Variants in SNX29 observed in about 807,000 individuals in gnomAD.
SNX29 encodes the protein sorting nexin 29.
A neutral mutation model predicts 102.1 loss-of-function variants in SNX29; 78 were observed. That is an observed-to-expected ratio of 0.76 (90% CI 0.64 to 0.92). SNX29 has a LOEUF of 0.92. Ranked by LOEUF, SNX29 falls within the 40% of genes least tolerant of loss-of-function variation. SNX29 has a pLI of 0.00. For missense variants in SNX29, 1,280 were observed against 1,061.7 expected (o/e 1.21, Z -2.86); for synonymous variants, 580 against 414.5 (o/e 1.40, Z -4.85).
At chr16:12,061,391 C>T in intron 8 of SNX29, 137 bp from the exon 9 acceptor site, 1 of 670,704 alleles carries the variant, frequency 1.5e-6, no homozygotes, top group Non-Finnish European at 2.6e-6. Context: ...GCTCTACCTC[C>T]CAGCCCACAC....
At chr16:12,081,261 G>A (rs1176817470) in intron 11 of SNX29, 2 of 152,204 alleles carry the variant, frequency 1.3e-5, no homozygotes, top group African/African-American at 4.8e-5. Context: ...TCTTCATACT[G>A]CTGGGAAGCT....
chr16:12,013,541 A>ATATATATATATATATATATATATATATG, intron 3 of SNX29, among the ~76,000 whole-genome samples: 1 of 119,224 alleles, frequency 8.4e-6, no homozygotes, highest in African/African-American at 3.1e-5. Flanking sequence ...ATATATATAT[A>ATATATATATATATATATATATATATATG]TCGAGAGAGG....
At chr16:12,559,411 C>A (rs139011612) in intron 20 of SNX29, among the ~76,000 whole-genome samples, 1 of 151,348 alleles carries the variant, frequency 6.6e-6, no homozygotes, top group East Asian at 1.9e-4. Flanking sequence ...AAGGGACCAT[C>A]TAGTTGCAGG....
At chr16:12,480,711 CAAAA>C (rs2151829281) in intron 19 of SNX29, among the ~76,000 whole-genome samples, 1 of 152,252 alleles carries the variant, frequency 6.6e-6, no homozygotes, top group Admixed American at 6.5e-5. Context: ...AAACTTAAGA[CAAAA>C]TAAATCTCAT....
At chr16:12,320,812 G>A (rs941205944) in intron 15 of SNX29, among the ~76,000 whole-genome samples, 1 of 152,206 alleles carries the variant, frequency 6.6e-6, no homozygotes, top group African/African-American at 2.4e-5. Context: ...TCAGAATCGT[G>A]TTCCAATTCT....
chr16:12,412,509 G>A (rs2084443796), intron 18 of SNX29, among the ~76,000 whole-genome samples: 1 of 152,192 alleles, frequency 6.6e-6, no homozygotes, highest in Non-Finnish European at 1.5e-5. Context: ...TTTCACACGG[G>A]AGAGAGCGCT....
At chr16:12,467,624 G>A (rs1430554134) in intron 18 of SNX29, among the ~76,000 whole-genome samples, 2 of 133,756 alleles carry the variant, frequency 1.5e-5, no homozygotes, top group South Asian at 2.3e-4. Context: ...TCGTTCGTTA[G>A]TTCGTTCGTT....
At chr16:12,369,756 T>C (rs890132680) in intron 16 of SNX29, among the ~76,000 whole-genome samples, 3 of 152,236 alleles carry the variant, frequency 2.0e-5, no homozygotes, top group African/African-American at 7.2e-5. Context: ...CACATGATTA[T>C]GTTAATAGTT....
chr16:12,173,534 C>T (rs539020120), intron 13 of SNX29, among the ~76,000 whole-genome samples: 1 of 152,206 alleles, frequency 6.6e-6, no homozygotes, highest in Non-Finnish European at 1.5e-5. Flanking sequence ...GGTCTTGAAT[C>T]TGTATCTTTT....
intron 18 of SNX29, among the ~76,000 whole-genome samples, chr16:12,434,271 G>A (rs951330330): frequency 6.6e-6 from 1 of 152,188 alleles, no homozygotes; most frequent in Non-Finnish European, 1.5e-5. Context: ...TGACCAGAGT[G>A]TGTACAAAGT....
chr16:12,268,904 GT>G (rs1336259154), intron 14 of SNX29, among the ~76,000 whole-genome samples: 2 of 152,168 alleles, frequency 1.3e-5, no homozygotes, highest in Non-Finnish European at 2.9e-5. Context: ...GCTCAGCACA[GT>G]TTCTACCTAT....
At position 12,571,930 on chromosome 16, in the gene SNX29, G is replaced by T; in HGVS notation, c.*3301G>T. On this transcript the variant is annotated 3_prime_UTR_variant, in exon 21 of 21. Coordinates refer to ENST00000566228, the MANE Select transcript of SNX29 (RefSeq NM_032167.5). ...TCTCTACTGGCAGGCCCTGGTGAAG[G>T]AAGACACTTTCAGGGAAGAGGCTCT... The T allele has an allele frequency of 9.4e-7, 1 of 1,062,148 alleles. No homozygotes were observed. The highest frequency in any genetic ancestry group is 1.1e-6 in the Non-Finnish European group (1 of 877,292). The allele number at this position is 1,062,148 out of a possible 1,614,324, so 65.8% of individuals were successfully genotyped here. A position where few individuals can be genotyped will look rare whatever the true frequency, so the allele number is the denominator to read the frequency against.
intron 20 of SNX29, among the ~76,000 whole-genome samples, chr16:12,551,674 A>C (rs971124022): frequency 6.6e-6 from 1 of 152,212 alleles, no homozygotes; most frequent in East Asian, 1.9e-4. Context: ...CCTGTGCAGT[A>C]GGATAAAAGT....
intron 18 of SNX29, among the ~76,000 whole-genome samples, chr16:12,454,386 G>A (rs2086443386): frequency 6.6e-6 from 1 of 152,204 alleles, no homozygotes; most frequent in Non-Finnish European, 1.5e-5. Flanking sequence ...TTAGACCCCA[G>A]CTATTTTGGA....
intron 15 of SNX29, among the ~76,000 whole-genome samples, chr16:12,344,596 G>T (rs1033009019): frequency 3.3e-5 from 5 of 152,240 alleles, no homozygotes; most frequent in African/African-American, 1.2e-4. Context: ...TCTTAAGAAG[G>T]AGCCATGGAC....
intron 15 of SNX29, among the ~76,000 whole-genome samples, chr16:12,327,469 A>G (rs1167079723): frequency 6.6e-6 from 1 of 151,820 alleles, no homozygotes. Context: ...TGGTTTATAG[A>G]CGGCCGTCTT....
intron 14 of SNX29, among the ~76,000 whole-genome samples, chr16:12,227,886 C>G (rs535999086): frequency 8.7e-6 from 1 of 114,348 alleles, no homozygotes; most frequent in Non-Finnish European, 1.6e-5. Context: ...GGCAACAGAG[C>G]GAGACTCTGT....
intron 1 of SNX29, among the ~76,000 whole-genome samples, chr16:11,994,077 C>T (rs950436039): frequency 5.3e-5 from 8 of 152,088 alleles, no homozygotes; most frequent in African/African-American, 7.2e-5. Flanking sequence ...GCTGAGATCG[C>T]GCCATTGCAC....
intron 1 of SNX29, among the ~76,000 whole-genome samples, chr16:11,990,454 G>A (rs544993719): frequency 6.6e-6 from 1 of 152,136 alleles, no homozygotes; most frequent in Non-Finnish European, 1.5e-5. Context: ...CACTGCGGGG[G>A]TCCCTCCTGG....
Sources: allele counts gnomAD v4.1 joint callset (sites outside exome capture counted in the v4.1 genomes callset), GRCh38; gene constraint gnomAD v4.1.1; transcripts MANE v1.5; gene names NCBI Gene and HGNC (gene_info 2026-07-23, HGNC 2026-07-21).